HTR2C: variants seen among roughly 807,000 people sequenced by gnomAD.
The protein encoded by HTR2C is 5-hydroxytryptamine receptor 2C.
In HTR2C, 5 loss-of-function variants were observed where a neutral mutation model predicts 21.0. That is an observed-to-expected ratio of 0.24 (90% confidence interval 0.12 to 0.50). HTR2C has a LOEUF of 0.50. Among genes scored for constraint, HTR2C ranks in the 20% least tolerant of loss-of-function variants. The pLI is 0.98. For missense variants in HTR2C, 271 were observed against 371.2 expected, an observed-to-expected ratio of 0.73 and a Z score of 2.22; for synonymous variants, 150 against 145.3, an observed-to-expected ratio of 1.03 and a Z score of -0.23.
intron 4 of HTR2C, among the ~76,000 whole-genome samples, chrX:114,736,026 C>A (rs1042149106): frequency 9.1e-6 from 1 of 109,369 alleles, no homozygotes; most frequent in Non-Finnish European, 1.9e-5. Flanking sequence ...GGCAGGAGAA[C>A]GGTGTGAACC....
Position 114,746,622 on chromosome X carries a change from G to A in HTR2C, c.349+15015G>A, listed in dbSNP as rs180873390. Among the ~76,000 whole-genome samples the A allele has an allele frequency of 4.5e-5, 5 of 111,156 alleles. No homozygotes were observed. In the Admixed American group the frequency reaches 4.8e-4, roughly 11 times the overall value. The stretch of plus-strand genomic sequence containing the variant: ...TAATCCCAGCAATCTGGGAGGCTGA[G>A]GTGGGAGGATCACTTGAGCACAGGA... On this transcript the variant is annotated intron_variant, in intron 4 of 5. Coordinates refer to ENST00000276198, the MANE Select transcript of HTR2C (RefSeq NM_000868.4).
chrX:114,755,854 A>G (rs781934188), intron 4 of HTR2C, among the ~76,000 whole-genome samples: 1 of 111,685 alleles, frequency 9.0e-6, no homozygotes, highest in East Asian at 2.8e-4. Context: ...TTAAACCACA[A>G]TGAAGTTTTG....
Position 114,623,228 on chromosome X carries a change from A to T in HTR2C, c.-80+9347A>T, listed in dbSNP as rs12690128. The stretch of plus-strand genomic sequence containing the variant: ...TGAGGCCTAGGGGCTTAAGCGAGTT[A>T]TCCACAGTCCCCTGAGTCCTATAGG... On this transcript the variant is annotated intron_variant, in intron 2 of 5. Coordinates refer to ENST00000276198, the MANE Select transcript of HTR2C (RefSeq NM_000868.4). Among the ~76,000 whole-genome samples, 70 of 112,319 alleles carry T rather than the reference A, an allele frequency of 6.2e-4. 1 individual carries two copies. The East Asian group carries it at 0.019, about 30-fold the overall frequency.
chrX:114,775,743 G>T, intron 4 of HTR2C: 1 of 535,985 alleles, frequency 1.9e-6, no homozygotes, highest in Non-Finnish European at 3.1e-6. Context: ...AGAAGCTTCT[G>T]AATCTTGGGG....
chrX:114,644,384 T>A (rs868989325), intron 2 of HTR2C, among the ~76,000 whole-genome samples: 1,827 of 78,027 alleles, frequency 0.023, 65 homozygotes, highest in Middle Eastern at 0.035. Context: ...TATATATATA[T>A]ATATATATAT....
At chrX:114,592,135 A>G (rs2147788197) in intron 1 of HTR2C, among the ~76,000 whole-genome samples, 1 of 112,240 alleles carries the variant, frequency 8.9e-6, no homozygotes, top group East Asian at 2.8e-4. Flanking sequence ...TTACAAATAT[A>G]GAGTCACAAA....
intron 4 of HTR2C, among the ~76,000 whole-genome samples, chrX:114,751,231 T>C (rs377087483): frequency 1.4e-4 from 8 of 58,687 alleles, no homozygotes; most frequent in East Asian, 1.0e-3. Flanking sequence ...CAATTATTTA[T>C]TGAGCACCTA....
At chrX:114,640,122 T>C (rs1930038065) in intron 2 of HTR2C, among the ~76,000 whole-genome samples, 1 of 111,748 alleles carries the variant, frequency 8.9e-6, no homozygotes, top group African/African-American at 3.2e-5. Flanking sequence ...TAATACTTAA[T>C]ATATGAAAGG....
chrX:114,779,152 T>C (rs1041229469), intron 4 of HTR2C, among the ~76,000 whole-genome samples: 2 of 111,362 alleles, frequency 1.8e-5, no homozygotes, highest in South Asian at 7.7e-4. Context: ...CTCAGTACAG[T>C]AGATATCAGG....
intron 2 of HTR2C, among the ~76,000 whole-genome samples, chrX:114,690,436 T>C (rs1353802812): frequency 8.9e-6 from 1 of 111,979 alleles, no homozygotes; most frequent in Non-Finnish European, 1.9e-5. Flanking sequence ...TATTTGACTG[T>C]TTTTCATCTG....
chrX:114,810,731 G>A (rs941483086), intron 4 of HTR2C, among the ~76,000 whole-genome samples: 2 of 107,871 alleles, frequency 1.9e-5, no homozygotes, highest in South Asian at 4.5e-4. Flanking sequence ...TACTGTGATC[G>A]CTCACCTGAT....
At chrX:114,805,597 T>TAC (rs782305290) in intron 4 of HTR2C, among the ~76,000 whole-genome samples, 148 of 11,880 alleles carry the variant, frequency 0.012, 26 homozygotes, top group African/African-American at 0.028. Context: ...ACCATATATA[T>TAC]ACCATATATA....
intron 2 of HTR2C, among the ~76,000 whole-genome samples, chrX:114,708,904 G>A (rs1216031372): frequency 9.0e-6 from 1 of 111,250 alleles, no homozygotes; most frequent in African/African-American, 3.3e-5. Context: ...GGCATTCTTT[G>A]GCAAATCTTA....
rs1348007696 is a variant in HTR2C, at chrX:114,593,098, G to A, written c.-147+8439G>A. On this transcript the variant is annotated intron_variant, in intron 1 of 5. Coordinates refer to ENST00000276198, the MANE Select transcript of HTR2C (RefSeq NM_000868.4). ...AAGAAGCAATGCTTAGAATGCAAAT[G>A]TGTTATAATTTTGTGTGTGCAGTGT... Among the ~76,000 whole-genome samples the A allele has an allele frequency of 4.5e-5, 5 of 112,119 alleles. No individual in the cohort carries two copies. In the Admixed American group the frequency reaches 4.7e-4, roughly 11 times the overall value.
intron 5 of HTR2C, among the ~76,000 whole-genome samples, chrX:114,883,511 G>A (rs2071198025): frequency 9.1e-6 from 1 of 110,000 alleles, no homozygotes; most frequent in South Asian, 3.8e-4. Context: ...TGGAAGCTCA[G>A]GTTATTGACT....
chrX:114,804,246 C>CT (rs782737508), intron 4 of HTR2C, among the ~76,000 whole-genome samples: 1 of 111,934 alleles, frequency 8.9e-6, no homozygotes, highest in Non-Finnish European at 1.9e-5. Flanking sequence ...AAAGTCCACA[C>CT]TTATTCCACT....
At chrX:114,780,319 CAT>C (rs1445728446) in intron 4 of HTR2C, among the ~76,000 whole-genome samples, 2 of 111,303 alleles carry the variant, frequency 1.8e-5, no homozygotes, top group African/African-American at 3.3e-5. Context: ...AAAGAGCTCA[CAT>C]GAGAGTAAGG....
intron 4 of HTR2C, among the ~76,000 whole-genome samples, chrX:114,806,193 ATATATACCATATATATACACTC>A (rs1395569218): frequency 1.0e-5 from 1 of 99,986 alleles, no homozygotes; most frequent in Non-Finnish European, 2.0e-5. Flanking sequence ...TATACACCAT[ATATATACCATATATATACACTC>A]TATATACCAT....
At chrX:114,824,505 C>G (rs1290340973) in intron 4 of HTR2C, among the ~76,000 whole-genome samples, 3 of 112,149 alleles carry the variant, frequency 2.7e-5, no homozygotes, top group African/African-American at 9.7e-5. Context: ...ATGAAAATGA[C>G]TAATCTGTAG....
Sources: gnomAD v4.1 joint callset for allele counts (sites outside exome capture counted in the v4.1 genomes callset) on GRCh38, gnomAD v4.1.1 for gene constraint, MANE v1.5 for transcripts, NCBI Gene and HGNC (gene_info 2026-07-23, HGNC 2026-07-21) for gene names.